INTS7: variants seen among roughly 807,000 people sequenced by gnomAD.
The protein encoded by INTS7 is chromosome 1 open reading frame 73.
In INTS7, 46 loss-of-function variants were observed where a neutral mutation model predicts 109.2. That is an observed-to-expected ratio of 0.42 (90% confidence interval 0.33 to 0.54). The LOEUF (loss-of-function observed/expected upper bound fraction) is 0.54. Among genes scored for constraint, INTS7 ranks in the 20% least tolerant of loss-of-function variants. The pLI is 0.07. For missense variants in INTS7, 929 were observed against 1,132.4 expected, an observed-to-expected ratio of 0.82 and a Z score of 2.58; for synonymous variants, 412 against 402.9, an observed-to-expected ratio of 1.02 and a Z score of -0.27.
intron 17 of INTS7, 122 bp downstream of exon 17, chr1:211,952,447 T>G: frequency 2.0e-6 from 2 of 982,758 alleles, no homozygotes; most frequent in East Asian, 2.5e-5. Flanking sequence ...ATTAACCCTG[T>G]TTTATGGATA....
chr1:212,002,156 TC>T (rs1479626151), intron 7 of INTS7, among the ~76,000 whole-genome samples: 6 of 152,238 alleles, frequency 3.9e-5, no homozygotes, highest in African/African-American at 1.2e-4. Context: ...GAGCCACCTT[TC>T]TTTCTCTACA....
intron 8 of INTS7, among the ~76,000 whole-genome samples, chr1:211,986,910 A>C (rs1664918000): frequency 6.6e-6 from 1 of 152,232 alleles, no homozygotes; most frequent in Admixed American, 6.5e-5. Context: ...ATGCGGCCAT[A>C]AAAGGGACAA....
chr1:211,971,406 G>A (rs1664161925), intron 13 of INTS7, among the ~76,000 whole-genome samples: 1 of 152,220 alleles, frequency 6.6e-6, no homozygotes, highest in Non-Finnish European at 1.5e-5. Context: ...CAACACTATA[G>A]AGTGGGAAAA....
Position 211,959,793 on chromosome 1 carries a change from G to A in INTS7, c.2183+6637C>T, listed in dbSNP as rs570921226. Among the ~76,000 whole-genome samples, 2 of 152,110 alleles carry A rather than the reference G, an allele frequency of 1.3e-5. No individual in the cohort carries two copies. The highest frequency in any genetic ancestry group is 2.1e-4 in the South Asian group (1 of 4,834). ...CACACACAGTTCTGTGTCTGCCAGC[G>A]CCACGCCCCTATGCTTATACTACCA... On this transcript the variant is annotated intron_variant, in intron 16 of 19. Transcript: ENST00000366994. The surrounding 1 kb of genome is among the most constrained non-coding windows in gnomAD (Gnocchi z 4.2).
chr1:211,945,090 A>C, intron 18 of INTS7, 121 bp from the exon 19 acceptor site: 1 of 792,008 alleles, frequency 1.3e-6, no homozygotes, highest in Non-Finnish European at 2.0e-6. Context: ...CCCCACCCCC[A>C]CAGGACCTGA....
intron 8 of INTS7, among the ~76,000 whole-genome samples, chr1:211,984,166 AG>A (rs1664788594): frequency 6.6e-6 from 1 of 152,084 alleles, no homozygotes; most frequent in Admixed American, 6.6e-5. Context: ...AGTGTTTTTA[AG>A]TTAGGCAAAA....
At chr1:212,017,497 A>G (rs552467892) in intron 3 of INTS7, among the ~76,000 whole-genome samples, 5 of 152,388 alleles carry the variant, frequency 3.3e-5, no homozygotes, top group African/African-American at 1.2e-4. Context: ...CTCAAGATCA[A>G]GAAAGCAGTG....
In INTS7 at chr1:211,981,144, T is replaced by C; in HGVS notation, c.1179A>G (p.Leu393=). 3 of 1,613,564 alleles carry C rather than the reference T, an allele frequency of 1.9e-6. No individual in the cohort carries two copies. The highest frequency in any genetic ancestry group is 1.7e-5 in the Admixed American group (1 of 59,980). Residue 393 remains leucine (L), a synonymous_variant, in exon 10 of 20, where the codon CTA becomes CTG. Transcript: ENST00000366994. ...TATCATCTTGACTACAAAGTACCAG[T>C]AGGGATTCCAGGCCAAAGACAGCAT... ...EQDAVFGLES[L]LVLCSQDDSP... is the part of the protein sequence containing the mutation.
chr1:212,030,201 C>T (rs1009269070), intron 1 of INTS7, among the ~76,000 whole-genome samples: 4 of 152,080 alleles, frequency 2.6e-5, no homozygotes, highest in Non-Finnish European at 5.9e-5. Flanking sequence ...TAGTTCATAG[C>T]CCATCAAGGA....
intron 1 of INTS7, among the ~76,000 whole-genome samples, chr1:212,028,456 G>A (rs898776545): frequency 3.0e-5 from 4 of 132,886 alleles, no homozygotes; most frequent in Non-Finnish European, 5.0e-5. Flanking sequence ...GTGTAGATTC[G>A]GCTCCCATTT....
intron 16 of INTS7, among the ~76,000 whole-genome samples, chr1:211,955,040 T>C (rs1352316693): frequency 6.6e-6 from 1 of 152,238 alleles, no homozygotes; most frequent in Non-Finnish European, 1.5e-5. Flanking sequence ...CATGGAATGT[T>C]CTTCCATTTG....
At chr1:211,952,088 T>G (rs17018280) in intron 17 of INTS7, among the ~76,000 whole-genome samples, 5,222 of 152,304 alleles carry the variant, frequency 0.034, 299 homozygotes, top group African/African-American at 0.12. Context: ...TCTTTCTGTT[T>G]CAATTGTCCA....
intron 7 of INTS7, among the ~76,000 whole-genome samples, chr1:211,990,512 T>G (rs1476543177): frequency 6.6e-6 from 1 of 152,206 alleles, no homozygotes; most frequent in Non-Finnish European, 1.5e-5. Context: ...CATATTTCAC[T>G]CATGGTATAC....
chr1:212,022,536 C>CATCT (rs1251270343), intron 1 of INTS7, among the ~76,000 whole-genome samples: 1 of 152,150 alleles, frequency 6.6e-6, no homozygotes. Context: ...AGCACATGAA[C>CATCT]AGATGCTCAA....
chr1:212,023,224 G>C (rs2993527), intron 1 of INTS7, among the ~76,000 whole-genome samples: 6,601 of 152,220 alleles, frequency 0.043, 193 homozygotes, highest in African/African-American at 0.074. Flanking sequence ...ATGAGTACAT[G>C]TGTCTTTTGG....
intron 2 of INTS7, 21 bp downstream of exon 2, chr1:212,021,062 C>G: frequency 6.3e-7 from 1 of 1,583,812 alleles, no homozygotes; most frequent in Non-Finnish European, 8.6e-7. Context: ...TTTAGGACAT[C>G]GAGAATTTAA....
Position 211,971,463 on chromosome 1 carries a change from T to C in INTS7, c.1816-2756A>G, listed in dbSNP as rs79342820. Among the ~76,000 whole-genome samples, 820 of 152,274 alleles carry C rather than the reference T, an allele frequency of 5.4e-3. 4 individuals carry two copies. Among genetic ancestry groups the C allele is most frequent in the African/African-American group, 0.019 (776 of 41,558 alleles). On this transcript the variant is annotated intron_variant, in intron 13 of 19. Coordinates refer to ENST00000366994, the MANE Select transcript of INTS7 (RefSeq NM_015434.4). ...GATGCAAGACTATATGGCAGGGAAA[T>C]TGACCTACAGCTTCCTGCAACAAAA...
At chr1:211,981,706 T>C (rs780201017) in intron 9 of INTS7, among the ~76,000 whole-genome samples, 2 of 152,202 alleles carry the variant, frequency 1.3e-5, no homozygotes, top group African/African-American at 2.4e-5. Flanking sequence ...AGATGTCTCA[T>C]GAAATAGCAG....
In INTS7 at chr1:211,942,393, T is replaced by C. The variant is rs542627292; in HGVS notation, c.2602-282A>G. Among the ~76,000 whole-genome samples the C allele has an allele frequency of 5.3e-5, 8 of 152,234 alleles. No individual in the cohort carries two copies. The highest frequency in any genetic ancestry group is 1.7e-4 in the African/African-American group (7 of 41,544). On this transcript the variant is annotated intron_variant, in intron 19 of 19. Transcript: ENST00000366994. The surrounding 1 kb of genome is among the most constrained non-coding windows in gnomAD (Gnocchi z 4.2). ...AGTGATGCTCCTCACTCTACTTGAG[T>C]AGAATGAGCTCCCAGAGCCGTTGAC...
Sources: gnomAD v4.1 joint callset for allele counts (sites outside exome capture counted in the v4.1 genomes callset) on GRCh38, gnomAD v4.1.1 for gene constraint, Gnocchi (gnomAD v3.1) non-coding constraint, MANE v1.5 for transcripts, NCBI Gene and HGNC (gene_info 2026-07-23, HGNC 2026-07-21) for gene names.